PGGT1B: variants seen among roughly 807,000 people sequenced by gnomAD.
The protein encoded by PGGT1B is geranylgeranyl transferase type-1 subunit beta.
A neutral mutation model predicts 46.1 loss-of-function variants in PGGT1B; 30 were observed. The observed-to-expected ratio is 0.65, with a 90% confidence interval of 0.49 to 0.88. The LOEUF (loss-of-function observed/expected upper bound fraction) is 0.88, where lower values mean the gene tolerates loss of function less well. Among genes scored for constraint, PGGT1B ranks in the 40% least tolerant of loss-of-function variants. The pLI is 0.00. For synonymous variants in PGGT1B, 170 were observed against 160.0 expected (o/e 1.06, Z -0.47); for missense variants, 376 against 455.9 (o/e 0.82, Z 1.60).
At position 115,242,978 on chromosome 5, in the gene PGGT1B, G is replaced by A. The variant is rs1272309357; in HGVS notation, c.260-1372C>T. The stretch of plus-strand genomic sequence containing the variant: ...TCAAACTGTCTTGAAAAAAAAAAAA[G>A]ATACTAATGGTGATTATGATTTCAG... On this transcript the variant is annotated intron_variant, in intron 2 of 8. Coordinates refer to ENST00000419445, the MANE Select transcript of PGGT1B (RefSeq NM_005023.4). Among the ~76,000 whole-genome samples the A allele has an allele frequency of 2.7e-5, 4 of 148,368 alleles. No homozygotes were observed. In the East Asian group the frequency reaches 7.9e-4, roughly 29 times the overall value.
At chr5:115,219,788 A>G (rs1023009492) in intron 7 of PGGT1B, among the ~76,000 whole-genome samples, 4 of 151,874 alleles carry the variant, frequency 2.6e-5, no homozygotes, top group Non-Finnish European at 4.4e-5. Context: ...TTGAATAGAT[A>G]TATCTCCCAA....
rs527581074 is a variant in PGGT1B, at chr5:115,260,688, T to C, written c.140+2024A>G. The stretch of plus-strand genomic sequence containing the variant: ...TAACTAGGCTATAAGAAAACCAAAA[T>C]GATGTAAAAATTCTATTCATATGAC... On this transcript the variant is annotated intron_variant, in intron 1 of 8. Transcript: ENST00000419445. 2.1e-4 allele frequency among the ~76,000 whole-genome samples: 32 copies of C among 152,268 alleles called. No individual in the cohort carries two copies. The South Asian group carries it at 6.0e-3, about 29-fold the overall frequency.
In PGGT1B at chr5:115,212,675, C is replaced by T. The variant is rs563071180; in HGVS notation, c.953-92G>A. 8.7e-6 allele frequency: 7 copies of T among 800,014 alleles called. No homozygotes were observed. The East Asian group carries it at 2.0e-4, about 23-fold the overall frequency. 49.6% of individuals were successfully genotyped at this position (800,014 alleles called of 1,614,324 possible). A position where few individuals can be genotyped will look rare whatever the true frequency, so the allele number is the denominator to read the frequency against. ...GCCACATATTTACCAGCCCATCACT[C>T]CATTAAAAGTAAGTTTAGAGAAATG... On this transcript the variant is annotated intron_variant, in intron 8 of 8. Coordinates refer to ENST00000419445, the MANE Select transcript of PGGT1B (RefSeq NM_005023.4).
intron 2 of PGGT1B, 160 bp downstream of exon 2, chr5:115,252,977 A>C: frequency 1.7e-6 from 1 of 605,934 alleles, no homozygotes; most frequent in Non-Finnish European, 2.8e-6. Context: ...AGATTTGTTA[A>C]GTACTGTATT....
chr5:115,206,988 T>C lies in PGGT1B; in HGVS notation c.*5414A>G, dbSNP rs1756083671. On this transcript the variant is annotated 3_prime_UTR_variant, in exon 9 of 9. Transcript: ENST00000419445. Reference sequence around the variant, plus strand: ...GAAAGACATGTTTTGATGTTGTCTATCTAAGAATATCATGTATCTTTCCAT... The same window carrying C: ...GAAAGACATGTTTTGATGTTGTCTACCTAAGAATATCATGTATCTTTCCAT... 1 of 151,764 alleles carries C rather than the reference T, an allele frequency of 6.6e-6. No homozygotes were observed. Among genetic ancestry groups the C allele is most frequent in the Admixed American group, 6.6e-5 (1 of 15,206 alleles). 9.4% of individuals were successfully genotyped at this position (151,764 alleles called of 1,614,324 possible).
intron 5 of PGGT1B, chr5:115,231,866 G>C (rs1381586941): frequency 6.6e-6 from 1 of 152,016 alleles, no homozygotes; most frequent in Non-Finnish European, 1.5e-5. Context: ...ATTGCAAAAA[G>C]TACAAAACTC....
chr5:115,252,124 T>A (rs1748128093), intron 2 of PGGT1B, among the ~76,000 whole-genome samples: 1 of 152,086 alleles, frequency 6.6e-6, no homozygotes, highest in African/African-American at 2.4e-5. Context: ...ACATGTTAGA[T>A]CTGTAACTAT....
chr5:115,226,758 C>A lies in PGGT1B; in HGVS notation c.658+4218G>T, dbSNP rs150808038. ...CAGCTTACAATCCAGCAAAGATAAA[C>A]AGAGGTAAGTACCATAAAAATGGCA... On this transcript the variant is annotated intron_variant, in intron 6 of 8. Transcript: ENST00000419445. Among the ~76,000 whole-genome samples the A allele has an allele frequency of 1.2e-3, 176 of 151,854 alleles. 1 individual carries two copies. Among genetic ancestry groups the A allele is most frequent in the African/African-American group, 4.1e-3 (168 of 41,384 alleles).
At chr5:115,261,644 C>T (rs1430396694) in intron 1 of PGGT1B, among the ~76,000 whole-genome samples, 1 of 152,140 alleles carries the variant, frequency 6.6e-6, no homozygotes, top group Admixed American at 6.5e-5. Flanking sequence ...AAAATGTTAC[C>T]TTTGTGAAGT....
Position 115,252,001 on chromosome 5 carries a change from C to T in PGGT1B, c.259+1136G>A, listed in dbSNP as rs146225326. ...AGTGACTAGGACTAAGACGTGGCCT[C>T]GGCCACATGCTCCTGGAAAATGAGG... On this transcript the variant is annotated intron_variant, in intron 2 of 8. Transcript: ENST00000419445. Among the ~76,000 whole-genome samples, 806 of 152,196 alleles carry T rather than the reference C, an allele frequency of 5.3e-3. 7 individuals are homozygous for T. Among genetic ancestry groups the T allele is most frequent in the Middle Eastern group, 0.014 (4 of 294 alleles).
In PGGT1B at chr5:115,211,412, C is replaced by T. The variant is rs1756217873; in HGVS notation, c.*990G>A. The T allele has an allele frequency of 6.6e-6, 1 of 151,794 alleles. No individual in the cohort carries two copies. The highest frequency in any genetic ancestry group is 6.6e-5 in the Admixed American group (1 of 15,244). 9.4% of individuals were successfully genotyped at this position (151,794 alleles called of 1,614,324 possible). A position where few individuals can be genotyped will look rare whatever the true frequency, so the allele number is the denominator to read the frequency against. ...CATGTATTGAGTTACACCACTGAAT[C>T]TGTTTGAATGGTTCTGTTTTTGTAT... On this transcript the variant is annotated 3_prime_UTR_variant, in exon 9 of 9. Transcript: ENST00000419445.
At position 115,204,371 on chromosome 5, in the gene PGGT1B, T is replaced by A. The variant is rs1206077480; in HGVS notation, c.*8031A>T. 1 of 152,152 alleles carries A rather than the reference T, an allele frequency of 6.6e-6. No homozygotes were observed. Among genetic ancestry groups the A allele is most frequent in the Non-Finnish European group, 1.5e-5 (1 of 68,034 alleles). The allele number at this position is 152,152 out of a possible 1,614,324, so 9.4% of individuals were successfully genotyped here. ...TACCCAGGTGATGCTAGTGTTTCCATCTGTAGACAACATTTGGAAAACTAG... is the reference window on the plus strand; with the variant it reads ...TACCCAGGTGATGCTAGTGTTTCCAACTGTAGACAACATTTGGAAAACTAG... On this transcript the variant is annotated 3_prime_UTR_variant, in exon 9 of 9. Coordinates refer to ENST00000419445, the MANE Select transcript of PGGT1B (RefSeq NM_005023.4).
chr5:115,243,860 A>G (rs940219471), intron 2 of PGGT1B, among the ~76,000 whole-genome samples: 6 of 152,044 alleles, frequency 3.9e-5, no homozygotes, highest in Non-Finnish European at 7.4e-5. Context: ...CATTTCTCAT[A>G]TATGGGCCCC....
intron 2 of PGGT1B, among the ~76,000 whole-genome samples, chr5:115,251,309 A>G (rs1019187080): frequency 6.6e-6 from 1 of 152,152 alleles, no homozygotes; most frequent in African/African-American, 2.4e-5. Context: ...TGTAACAAAC[A>G]AAATTATTAT....
rs1209860574 is a variant in PGGT1B, at chr5:115,207,599, T to C, written c.*4803A>G. The C allele has an allele frequency of 6.6e-6, 1 of 152,082 alleles. No homozygotes were observed. Among genetic ancestry groups the C allele is most frequent in the Non-Finnish European group, 1.5e-5 (1 of 67,938 alleles). The allele number at this position is 152,082 out of a possible 1,614,324, so 9.4% of individuals were successfully genotyped here. A position where few individuals can be genotyped will look rare whatever the true frequency, so the allele number is the denominator to read the frequency against. Reference sequence around the variant, plus strand: ...ACCGAAATGGAATCAAAGTATGCACTTGTGTCTGGTGAAGCCTACTGATAT... The same window carrying C: ...ACCGAAATGGAATCAAAGTATGCACCTGTGTCTGGTGAAGCCTACTGATAT... On this transcript the variant is annotated 3_prime_UTR_variant, in exon 9 of 9. Coordinates refer to ENST00000419445, the MANE Select transcript of PGGT1B (RefSeq NM_005023.4).
intron 6 of PGGT1B, among the ~76,000 whole-genome samples, chr5:115,228,728 T>C: frequency 6.6e-6 from 1 of 151,966 alleles, no homozygotes; most frequent in Non-Finnish European, 1.5e-5. Context: ...GAAACAAAGA[T>C]GGTGAAGGAA....
rs1427877131 is a variant in PGGT1B at position 115,207,216 on chromosome 5, ACT to A, written c.*5184_*5185del. ...ATATATATATATATATAGTCTTGTT[ACT>A]CTTTTTAGTAAACATTTTTACTGAG... On this transcript the variant is annotated 3_prime_UTR_variant, in exon 9 of 9. Transcript: ENST00000419445. 3 of 47,888 alleles carry A rather than the reference ACT, an allele frequency of 6.3e-5. No individual in the cohort carries two copies. The highest frequency in any genetic ancestry group is 1.7e-4 in the African/African-American group (2 of 12,084). The allele number at this position is 47,888 out of a possible 1,614,324, so 3.0% of individuals were successfully genotyped here. A position where few individuals can be genotyped will look rare whatever the true frequency, so the allele number is the denominator to read the frequency against.
rs1284234393 is a variant in PGGT1B, at chr5:115,207,614, C to T, written c.*4788G>A. 2 of 151,934 alleles carry T rather than the reference C, an allele frequency of 1.3e-5. No individual in the cohort carries two copies. Among genetic ancestry groups the T allele is most frequent in the Admixed American group, 6.6e-5 (1 of 15,224 alleles). 9.4% of individuals were successfully genotyped at this position (151,934 alleles called of 1,614,324 possible). A position where few individuals can be genotyped will look rare whatever the true frequency, so the allele number is the denominator to read the frequency against. ...AAGTATGCACTTGTGTCTGGTGAAG[C>T]CTACTGATATTTTTATGTAAATTGT... On this transcript the variant is annotated 3_prime_UTR_variant, in exon 9 of 9. Coordinates refer to ENST00000419445, the MANE Select transcript of PGGT1B (RefSeq NM_005023.4).
In PGGT1B at chr5:115,204,661, C is replaced by A. The variant is rs7727428; in HGVS notation, c.*7741G>T. ...TTGTTGTTGAGTTTATGAATGGCTA[C>A]ACTGTTTCTGGATGGCAATTCTTGG... is the stretch of plus-strand genomic sequence containing the variant. On this transcript the variant is annotated 3_prime_UTR_variant, in exon 9 of 9. Coordinates refer to ENST00000419445, the MANE Select transcript of PGGT1B (RefSeq NM_005023.4). The A allele has an allele frequency of 6.6e-6, 1 of 152,096 alleles. No homozygotes were observed. The highest frequency in any genetic ancestry group is 6.6e-5 in the Admixed American group (1 of 15,242). 9.4% of individuals were successfully genotyped at this position (152,096 alleles called of 1,614,324 possible). A position where few individuals can be genotyped will look rare whatever the true frequency, so the allele number is the denominator to read the frequency against.
Sources: allele counts gnomAD v4.1 joint callset (sites outside exome capture counted in the v4.1 genomes callset), GRCh38; gene constraint gnomAD v4.1.1; transcripts MANE v1.5; gene names NCBI Gene and HGNC (gene_info 2026-07-23, HGNC 2026-07-21).